ANKRD26: variants seen among roughly 807,000 people sequenced by gnomAD.
ANKRD26 encodes the protein ankyrin repeat domain 26, also known as ankyrin repeat domain-containing protein 26.
In ANKRD26, 141 loss-of-function variants were observed where a neutral mutation model predicts 208.7. The observed-to-expected ratio is 0.68, with a 90% CI of 0.59 to 0.78. The LOEUF (loss-of-function observed/expected upper bound fraction) is 0.78. Among genes scored for constraint, ANKRD26 ranks in the 30% least tolerant of loss-of-function variants. The pLI is 0.00. For missense variants in ANKRD26, 1,889 were observed against 1,938.7 expected, an observed-to-expected ratio of 0.97 and a Z score of 0.48; for synonymous variants, 636 against 660.4, an observed-to-expected ratio of 0.96 and a Z score of 0.57.
chr10:27,084,386 T>C (rs1302282973), intron 5 of ANKRD26, among the ~76,000 whole-genome samples: 1 of 152,170 alleles, frequency 6.6e-6, no homozygotes, highest in Non-Finnish European at 1.5e-5. Context: ...AACAGCTCTA[T>C]TCTATTATGA....
chr10:26,964,172 G>A, the ANKRD26 span, among the ~76,000 whole-genome samples: 1 of 151,942 alleles, frequency 6.6e-6, no homozygotes, highest in Non-Finnish European at 1.5e-5. Flanking sequence ...ACCTCCCAAA[G>A]GGCTGGGATT....
At chr10:27,044,289 A>C in intron 18 of ANKRD26, 99 bp from the exon 19 acceptor site, 1 of 1,073,562 alleles carries the variant, frequency 9.3e-7, no homozygotes. Flanking sequence ...TGCATTTGTA[A>C]TTTATTTACC....
chr10:26,977,303 T>G (rs7906430), intron 5 of ANKRD26, among the ~76,000 whole-genome samples: 65,521 of 152,040 alleles, frequency 0.43, 14,591 homozygotes, highest in Admixed American at 0.54. Flanking sequence ...TACATCTTTA[T>G]CTACATGTCT....
rs1232294153 is a variant in ANKRD26 at position 27,004,648 on chromosome 10, T to C, written c.*942A>G. The C allele has an allele frequency of 1.3e-5, 2 of 152,144 alleles. No homozygotes were observed. The highest frequency in any genetic ancestry group is 2.9e-5 in the Non-Finnish European group (2 of 68,026). 9.4% of individuals were successfully genotyped at this position (152,144 alleles called of 1,614,324 possible). The stretch of plus-strand genomic sequence containing the variant: ...CTGTGATACTCCTGCCAAAAAATCA[T>C]ATAATCTAAATCTAATCACCATGAA... On this transcript the variant is annotated 3_prime_UTR_variant, in exon 34 of 34. Transcript: ENST00000376087.
At chr10:26,968,235 C>T in the ANKRD26 span, among the ~76,000 whole-genome samples, 1 of 152,174 alleles carries the variant, frequency 6.6e-6, no homozygotes, top group Non-Finnish European at 1.5e-5. Context: ...TTTACCTCCT[C>T]ACCTCTGGAA....
intron 31 of ANKRD26, 58 bp downstream of exon 31, chr10:27,014,436 C>A: frequency 7.6e-7 from 1 of 1,314,146 alleles, no homozygotes; most frequent in East Asian, 2.3e-5. Context: ...AAGAATTATG[C>A]TTTCAAGGCA....
At chr10:27,081,732 T>C (rs180870956) in intron 6 of ANKRD26, among the ~76,000 whole-genome samples, 84 of 151,938 alleles carry the variant, frequency 5.5e-4, no homozygotes, top group African/African-American at 1.9e-3. Context: ...AAATATTCCA[T>C]GGAATACTAT....
At chr10:27,036,284 T>C (rs188032494) in intron 23 of ANKRD26, among the ~76,000 whole-genome samples, 1 of 152,152 alleles carries the variant, frequency 6.6e-6, no homozygotes, top group Admixed American at 6.5e-5. Flanking sequence ...CTAGGCATTG[T>C]ACTAAGCACT....
At chr10:27,093,883 A>G in intron 1 of ANKRD26, 84 bp from the exon 2 acceptor site, 1 of 1,118,162 alleles carries the variant, frequency 8.9e-7, no homozygotes, top group Non-Finnish European at 1.3e-6. Flanking sequence ...AACATTAAAT[A>G]GCATGTTGAT....
At chr10:26,967,802 C>G in the ANKRD26 span, among the ~76,000 whole-genome samples, 2 of 152,128 alleles carry the variant, frequency 1.3e-5, no homozygotes, top group Non-Finnish European at 2.9e-5. Flanking sequence ...TCTTAATAAC[C>G]TACATCTAAT....
rs572090048 is a variant in ANKRD26, at chr10:27,040,663, C to T, written c.2162-485G>A. ...CTGAAACGACCAAAGACAAAACAGA[C>T]AAAATACATGAAACAACGAGTTTCA... On this transcript the variant is annotated intron_variant, in intron 20 of 33. Transcript: ENST00000376087. 4.3e-4 allele frequency among the ~76,000 whole-genome samples: 66 copies of T among 152,242 alleles called. No individual in the cohort carries two copies. The South Asian group carries it at 0.014, about 32-fold the overall frequency.
At chr10:26,990,591 A>AG (rs1202945929), downstream of ANKRD26, among the ~76,000 whole-genome samples, 2 of 152,106 alleles carry the variant, frequency 1.3e-5, no homozygotes, top group Admixed American at 1.3e-4. Flanking sequence ...TGTTCTTATA[A>AG]GGGGGAAACC....
chr10:26,999,589 G>A (rs74128524), downstream of ANKRD26, among the ~76,000 whole-genome samples: 3,392 of 152,172 alleles, frequency 0.022, 153 homozygotes, highest in East Asian at 0.15. Context: ...ATAGTCCCTA[G>A]TTATGTTCTC....
chr10:27,012,573 G>C (rs1028820059), intron 32 of ANKRD26, among the ~76,000 whole-genome samples: 1 of 152,124 alleles, frequency 6.6e-6, no homozygotes, highest in Non-Finnish European at 1.5e-5. Flanking sequence ...CCAGCACTTC[G>C]GGAGGGTGAG....
chr10:27,083,969 C>T (rs186974281), intron 5 of ANKRD26, among the ~76,000 whole-genome samples: 342 of 152,316 alleles, frequency 2.2e-3, no homozygotes, highest in Non-Finnish European at 2.4e-3. Flanking sequence ...TATCCCAGCA[C>T]TTTGGGAGGC....
intron 15 of ANKRD26, among the ~76,000 whole-genome samples, chr10:27,057,808 G>A (rs747334680): frequency 5.9e-5 from 9 of 151,906 alleles, no homozygotes; most frequent in Middle Eastern, 3.2e-3. Context: ...TTGTTGGCGC[G>A]CGCCTGTAGC....
At chr10:26,959,765 C>T in the ANKRD26 span, among the ~76,000 whole-genome samples, 1 of 151,988 alleles carries the variant, frequency 6.6e-6, no homozygotes, top group African/African-American at 2.4e-5. Flanking sequence ...CAGGCATGAG[C>T]CACTGGGCCT....
intron 32 of ANKRD26, among the ~76,000 whole-genome samples, chr10:27,012,183 A>G (rs35729975): frequency 0.093 from 14,115 of 152,228 alleles, 790 homozygotes; most frequent in East Asian, 0.28. Context: ...CCAGAAAACT[A>G]TCAAAGTGCT....
chr10:27,026,414 C>A (rs913327969), intron 27 of ANKRD26, among the ~76,000 whole-genome samples: 1 of 152,110 alleles, frequency 6.6e-6, no homozygotes, highest in African/African-American at 2.4e-5. Flanking sequence ...TCACAGGAGA[C>A]TTCATATCAA....
Sources: gnomAD v4.1 joint callset for allele counts (sites outside exome capture counted in the v4.1 genomes callset) on GRCh38, gnomAD v4.1.1 for gene constraint, MANE v1.5 for transcripts, NCBI Gene and HGNC (gene_info 2026-07-23, HGNC 2026-07-21) for gene names.